Variants in LINGO2 observed in about 807,000 individuals in gnomAD.
LINGO2 encodes leucine-rich repeat and immunoglobulin-like domain-containing nogo receptor-interacting protein 2.
LINGO2 carries 14 observed loss-of-function variants against 30.6 expected under a neutral mutation model. The ratio of observed to expected loss-of-function variants is 0.46; its 90% CI spans 0.30 to 0.72. The LOEUF (loss-of-function observed/expected upper bound fraction) is 0.72, where lower values mean the gene tolerates loss of function less well. LINGO2 is among the 30% of genes least tolerant of loss of function. The pLI is 0.07. For synonymous variants in LINGO2, 317 were observed against 288.5 expected (o/e 1.10, Z -1.00); for missense variants, 729 against 751.7 (o/e 0.97, Z 0.35).
At position 28,189,701 on chromosome 9, in the gene LINGO2, GAGGAAGGA is replaced by G. The variant is rs145816256; in HGVS notation, c.-87+105499_-87+105506del. ...GAAGGAAGGGAGGAAGGAAGGGAGG[GAGGAAGGA>G]AGGAAGGAAGGAAGGTTGGTTCAAA... is the stretch of plus-strand genomic sequence containing the variant. On this transcript the variant is annotated intron_variant, in intron 4 of 5. Coordinates refer to ENST00000379992, the Ensembl canonical transcript of LINGO2. Among the ~76,000 whole-genome samples, 6 of 16,618 alleles carry G rather than the reference GAGGAAGGA, an allele frequency of 3.6e-4. No homozygotes were observed. The East Asian group carries it at 9.6e-3, about 27-fold the overall frequency. 10.9% of individuals were successfully genotyped at this position (16,618 alleles called of 152,430 possible). A position where few individuals can be genotyped will look rare whatever the true frequency, so the allele number is the denominator to read the frequency against.
chr9:29,129,648 G>GA, the LINGO2 span, among the ~76,000 whole-genome samples: 134 of 152,184 alleles, frequency 8.8e-4, no homozygotes, highest in African/African-American at 3.2e-3. Context: ...TGGTGAGAAA[G>GA]AAAATGATTT....
the LINGO2 span, among the ~76,000 whole-genome samples, chr9:28,958,575 C>T: frequency 1.3e-5 from 2 of 152,202 alleles, no homozygotes; most frequent in South Asian, 4.1e-4. Context: ...AGGTTATCAG[C>T]CCTCCAGGAA....
intron 5 of LINGO2, among the ~76,000 whole-genome samples, chr9:27,994,013 CA>C (rs1217733885): frequency 2.0e-5 from 3 of 151,106 alleles, no homozygotes; most frequent in Non-Finnish European, 4.4e-5. Flanking sequence ...GGAAACTGTA[CA>C]AAAAATATGG....
At chr9:29,051,347 T>A in the LINGO2 span, among the ~76,000 whole-genome samples, 1 of 152,200 alleles carries the variant, frequency 6.6e-6, no homozygotes, top group African/African-American at 2.4e-5. Context: ...ACCATCTCCA[T>A]AATTTTGCCT....
the LINGO2 span, among the ~76,000 whole-genome samples, chr9:28,940,924 T>C: frequency 6.6e-6 from 1 of 151,846 alleles, no homozygotes; most frequent in Non-Finnish European, 1.5e-5. Flanking sequence ...CTTTCTGCTT[T>C]AAATGCCCCT....
At chr9:28,237,942 T>C (rs542668527) in intron 4 of LINGO2, among the ~76,000 whole-genome samples, 35 of 152,128 alleles carry the variant, frequency 2.3e-4, no homozygotes, top group African/African-American at 8.4e-4. Context: ...AAAAGGATAT[T>C]CCATTCCAAT....
At chr9:28,984,983 T>C in the LINGO2 span, among the ~76,000 whole-genome samples, 1 of 152,106 alleles carries the variant, frequency 6.6e-6, no homozygotes, top group Non-Finnish European at 1.5e-5. Flanking sequence ...AGACCTCCTG[T>C]CTAACTAAGC....
At chr9:29,096,807 G>A in the LINGO2 span, among the ~76,000 whole-genome samples, 2 of 139,916 alleles carry the variant, frequency 1.4e-5, no homozygotes, top group Non-Finnish European at 3.1e-5. Flanking sequence ...ACTGGTTATT[G>A]AATGAACTTG....
At chr9:28,847,557 T>A in the LINGO2 span, among the ~76,000 whole-genome samples, 1 of 146,548 alleles carries the variant, frequency 6.8e-6, no homozygotes, top group Non-Finnish European at 1.5e-5. Flanking sequence ...CACAGATCCC[T>A]TTGAACTGAT....
the LINGO2 span, among the ~76,000 whole-genome samples, chr9:28,677,046 A>G: frequency 4.6e-5 from 7 of 152,256 alleles, no homozygotes; most frequent in African/African-American, 1.7e-4. Context: ...TGCTTTCCGT[A>G]TGCTAGGCAC....
intron 2 of LINGO2, among the ~76,000 whole-genome samples, chr9:28,386,334 G>C (rs1010824509): frequency 6.6e-6 from 1 of 152,122 alleles, no homozygotes; most frequent in African/African-American, 2.4e-5. Flanking sequence ...TACTAAAAGA[G>C]AGACCCCTGT....
intron 4 of LINGO2, among the ~76,000 whole-genome samples, chr9:28,218,150 CA>C (rs1289407981): frequency 6.7e-6 from 1 of 148,394 alleles, no homozygotes; most frequent in Non-Finnish European, 1.5e-5. Context: ...TCTAATATAA[CA>C]TTATCAAATA....
At chr9:28,310,186 G>A (rs1034153516) in intron 3 of LINGO2, among the ~76,000 whole-genome samples, 36 of 152,074 alleles carry the variant, frequency 2.4e-4, no homozygotes, top group African/African-American at 8.5e-4. Flanking sequence ...TCAAATTCTA[G>A]GTATTTACTC....
At chr9:28,551,245 T>C (rs933472386) in intron 1 of LINGO2, among the ~76,000 whole-genome samples, 1 of 151,884 alleles carries the variant, frequency 6.6e-6, no homozygotes, top group African/African-American at 2.4e-5. Flanking sequence ...TTTAGTATAA[T>C]AAAACCAGAG....
At chr9:28,600,946 A>G (rs1165287826) in intron 1 of LINGO2, among the ~76,000 whole-genome samples, 1 of 152,174 alleles carries the variant, frequency 6.6e-6, no homozygotes. Context: ...AAATGGAAAT[A>G]AGAGAAAAAA....
the LINGO2 span, among the ~76,000 whole-genome samples, chr9:28,905,278 CAA>C: frequency 0.12 from 15,875 of 130,996 alleles, 1,075 homozygotes; most frequent in Non-Finnish European, 0.17. Context: ...ACAACAAAAG[CAA>C]AAAAAAAAAA....
At chr9:27,993,100 T>G (rs1170953894) in intron 5 of LINGO2, among the ~76,000 whole-genome samples, 1 of 152,138 alleles carries the variant, frequency 6.6e-6, no homozygotes, top group Non-Finnish European at 1.5e-5. Context: ...TATGCTAATT[T>G]CACAGATGAT....
At chr9:28,796,018 A>AC in the LINGO2 span, among the ~76,000 whole-genome samples, 1 of 145,114 alleles carries the variant, frequency 6.9e-6, no homozygotes, top group Non-Finnish European at 1.5e-5. Flanking sequence ...ACACACACAC[A>AC]ATTCAGGAAA....
At chr9:29,133,018 A>C in the LINGO2 span, among the ~76,000 whole-genome samples, 1 of 151,914 alleles carries the variant, frequency 6.6e-6, no homozygotes, top group South Asian at 2.1e-4. Context: ...ATCATGCCTG[A>C]TGTAAGTATT....
Sources: gnomAD v4.1 joint callset for allele counts (sites outside exome capture counted in the v4.1 genomes callset) on GRCh38, gnomAD v4.1.1 for gene constraint, MANE v1.5 for transcripts, NCBI Gene and HGNC (gene_info 2026-07-23, HGNC 2026-07-21) for gene names.